Variants in SORBS2 observed in about 807,000 individuals in gnomAD.
The protein encoded by SORBS2 is sorbin and SH3 domain-containing protein 2.
A neutral mutation model predicts 97.7 loss-of-function variants in SORBS2; 46 were observed. The ratio of observed to expected loss-of-function variants is 0.47; its 90% CI spans 0.37 to 0.60. The LOEUF (loss-of-function observed/expected upper bound fraction) is 0.60. Ranked by LOEUF, SORBS2 falls within the 20% of genes least tolerant of loss-of-function variation. SORBS2 has a pLI of 0.00. For synonymous variants in SORBS2, 476 were observed against 473.4 expected (o/e 1.01, Z -0.07); for missense variants, 1,316 against 1,282.3 (o/e 1.03, Z -0.40).
chr4:185,868,303 T>C (rs2648113), intron 1 of SORBS2, among the ~76,000 whole-genome samples: 78,832 of 150,596 alleles, frequency 0.52, 21,633 homozygotes, highest in East Asian at 0.73. Flanking sequence ...ATTACAGGCG[T>C]GTGCCACCAT....
chr4:185,918,897 C>T (rs1347191414), intron 1 of SORBS2, among the ~76,000 whole-genome samples: 1 of 152,136 alleles, frequency 6.6e-6, no homozygotes, highest in East Asian at 1.9e-4. Flanking sequence ...ACAATGGATG[C>T]ACAAATGATC....
In SORBS2 at chr4:185,776,777, G is replaced by A. The variant is rs563631022; in HGVS notation, c.-337-1411C>T. Among the ~76,000 whole-genome samples, 14 of 151,942 alleles carry A rather than the reference G, an allele frequency of 9.2e-5. No individual in the cohort carries two copies. The South Asian group carries it at 2.5e-3, about 27-fold the overall frequency. ...TAGCAGGATGTCGTGGCACGCGCCT[G>A]TAGTCCCAGCTACTTGGGAGGCTGA... On this transcript the variant is annotated intron_variant, in intron 1 of 20. Coordinates refer to the SORBS2 transcript ENST00000284776.
chr4:185,679,858 G>A (rs2097846029), intron 2 of SORBS2, among the ~76,000 whole-genome samples: 1 of 152,182 alleles, frequency 6.6e-6, no homozygotes, highest in Admixed American at 6.5e-5. Context: ...CATGAACTTA[G>A]AATGATAAAA....
chr4:185,826,959 A>G (rs890193962), intron 1 of SORBS2, among the ~76,000 whole-genome samples: 12 of 151,790 alleles, frequency 7.9e-5, no homozygotes, highest in African/African-American at 2.9e-4. Flanking sequence ...TGCAAGTGAC[A>G]TGCAGTGGTT....
At chr4:185,832,907 G>A (rs749647537) in intron 1 of SORBS2, among the ~76,000 whole-genome samples, 6 of 152,084 alleles carry the variant, frequency 3.9e-5, no homozygotes, top group Non-Finnish European at 7.4e-5. Context: ...CGAATTCAGG[G>A]GTAATGCTGA....
At chr4:185,808,200 T>G (rs904518874) in intron 1 of SORBS2, among the ~76,000 whole-genome samples, 2 of 152,174 alleles carry the variant, frequency 1.3e-5, no homozygotes, top group Non-Finnish European at 2.9e-5. Context: ...CTTACTTTTA[T>G]TAGAAAACTC....
Position 185,623,420 on chromosome 4 carries a change from G to A in SORBS2, c.1709C>T (p.Thr570Ile), listed in dbSNP as rs1263463946. ...GTGTTTTAACATTGTGGTAAATCGA[G>A]TGTAGGAGGCCGGGCACCTGCCTTT... Residue 570 changes from threonine (T) to isoleucine (I), a missense_variant, in exon 7 of 15, where the codon ACT becomes ATT. Coordinates refer to ENST00000418609, the Ensembl canonical transcript of SORBS2. The surrounding 1 kb of genome is among the most constrained non-coding windows in gnomAD (Gnocchi z 6.4). 6.2e-7 allele frequency: 1 copy of A among 1,611,506 alleles called. No individual in the cohort carries two copies. The highest frequency in any genetic ancestry group is 1.7e-5 in the Admixed American group (1 of 60,018).
At chr4:185,907,368 G>A (rs948383305) in intron 1 of SORBS2, among the ~76,000 whole-genome samples, 3 of 152,142 alleles carry the variant, frequency 2.0e-5, no homozygotes, top group African/African-American at 7.2e-5. Context: ...GCACTTTAAT[G>A]TAAAATTCCA....
At chr4:185,761,230 T>C (rs1283277993) in intron 2 of SORBS2, among the ~76,000 whole-genome samples, 1 of 152,248 alleles carries the variant, frequency 6.6e-6, no homozygotes, top group Non-Finnish European at 1.5e-5. Flanking sequence ...TTTACTTCAA[T>C]ATCCCTCTGT....
chr4:185,654,683 C>T (rs2097367161), intron 1 of SORBS2, among the ~76,000 whole-genome samples: 1 of 152,166 alleles, frequency 6.6e-6, no homozygotes, highest in Admixed American at 6.5e-5. Context: ...TTTGTAAATG[C>T]CATCATGGAG....
chr4:185,740,437 CT>C (rs1562232217), intron 2 of SORBS2: 1 of 152,450 alleles, frequency 6.6e-6, no homozygotes. Flanking sequence ...TTACAGTGCT[CT>C]TTGCTTTTGC....
rs547988912 is a variant in SORBS2, at chr4:185,656,941, C to A, written c.-303G>T. On this transcript the variant is annotated 5_prime_UTR_variant, in exon 1 of 15. Coordinates refer to ENST00000418609, the Ensembl canonical transcript of SORBS2. Reference sequence around the variant, plus strand: ...TCCATGACATTAACTCTCTTCACTCCAATCATCTCACCTCCCAACTCCCAA... The same window carrying A: ...TCCATGACATTAACTCTCTTCACTCAAATCATCTCACCTCCCAACTCCCAA... 6.0e-6 allele frequency: 7 copies of A among 1,161,698 alleles called. No homozygotes were observed. In the Admixed American group the frequency reaches 2.9e-4, roughly 48 times the overall value. The allele number at this position is 1,161,698 out of a possible 1,614,324, so 72.0% of individuals were successfully genotyped here. A position where few individuals can be genotyped will look rare whatever the true frequency, so the allele number is the denominator to read the frequency against.
chr4:185,934,692 G>C (rs1305229073), intron 1 of SORBS2, among the ~76,000 whole-genome samples: 1 of 151,438 alleles, frequency 6.6e-6, no homozygotes, highest in South Asian at 2.1e-4. Context: ...GTTGAGGCAA[G>C]AGAATCGCTT....
chr4:185,677,983 T>A (rs2097820216), intron 4 of SORBS2, among the ~76,000 whole-genome samples: 1 of 152,096 alleles, frequency 6.6e-6, no homozygotes, highest in South Asian at 2.1e-4. Context: ...TATATATAGT[T>A]TATTTAATAG....
chr4:185,743,971 T>G (rs2098744181), intron 2 of SORBS2, among the ~76,000 whole-genome samples: 1 of 144,920 alleles, frequency 6.9e-6, no homozygotes, highest in Admixed American at 7.0e-5. Flanking sequence ...TTCTCCTTCT[T>G]CTTCCTCCCC....
chr4:185,894,728 G>C (rs146366837), intron 1 of SORBS2, among the ~76,000 whole-genome samples: 1 of 152,296 alleles, frequency 6.6e-6, no homozygotes, highest in East Asian at 1.9e-4. Flanking sequence ...ATGCCAAAGA[G>C]AGCTGCCACC....
chr4:185,667,385 T>A (rs1049320701), intron 4 of SORBS2, among the ~76,000 whole-genome samples: 1 of 152,166 alleles, frequency 6.6e-6, no homozygotes, highest in African/African-American at 2.4e-5. Flanking sequence ...AAGGTTGCAA[T>A]AATTTTTTTC....
At position 185,620,413 on chromosome 4, in the gene SORBS2, A is replaced by T. The variant is rs111355345; in HGVS notation, c.2216-262T>A. Among the ~76,000 whole-genome samples, 655 of 152,336 alleles carry T rather than the reference A, an allele frequency of 4.3e-3. 4 individuals are homozygous for T. Among genetic ancestry groups the T allele is most frequent in the African/African-American group, 0.013 (525 of 41,594 alleles). ...ATGATTACTACATTGCTGATTAATT[A>T]TATTGCCACACCCAGTAAGACAATT... is the stretch of plus-strand genomic sequence containing the variant. On this transcript the variant is annotated intron_variant, in intron 7 of 14. Transcript: ENST00000418609.
At chr4:185,917,088 C>T (rs994015726) in intron 1 of SORBS2, among the ~76,000 whole-genome samples, 4 of 152,198 alleles carry the variant, frequency 2.6e-5, no homozygotes, top group Non-Finnish European at 5.9e-5. Flanking sequence ...TATAAAGTCC[C>T]TGAGGACAGG....
Sources: gnomAD v4.1 joint callset for allele counts (sites outside exome capture counted in the v4.1 genomes callset) on GRCh38, gnomAD v4.1.1 for gene constraint, Gnocchi (gnomAD v3.1) non-coding constraint, MANE v1.5 for transcripts, NCBI Gene and HGNC (gene_info 2026-07-23, HGNC 2026-07-21) for gene names.